PGS1: variants seen among roughly 807,000 people sequenced by gnomAD.
PGS1 encodes CDP-diacylglycerol--glycerol-3-phosphate 3-phosphatidyltransferase, mitochondrial.
Under a neutral mutation model 58.3 loss-of-function variants are expected in PGS1, and 44 were observed. The ratio of observed to expected loss-of-function variants is 0.75; its 90% CI spans 0.59 to 0.97. The LOEUF is 0.97. PGS1 is among the 50% of genes least tolerant of loss of function. The pLI, the probability that PGS1 is intolerant of heterozygous loss-of-function variation, is 0.00. For missense variants in PGS1, 684 were observed against 731.1 expected (o/e 0.94, Z 0.74); for synonymous variants, 330 against 311.0 (o/e 1.06, Z -0.64).
intron 7 of PGS1, among the ~76,000 whole-genome samples, chr17:78,413,657 A>T (rs1197998430): frequency 6.6e-6 from 1 of 152,182 alleles, no homozygotes; most frequent in Non-Finnish European, 1.5e-5. Flanking sequence ...GCACGGAGAG[A>T]AGTCTTGAGC....
At chr17:78,417,116 C>T (rs991210440) in intron 8 of PGS1, among the ~76,000 whole-genome samples, 2 of 152,206 alleles carry the variant, frequency 1.3e-5, no homozygotes, top group Non-Finnish European at 2.9e-5. Context: ...CACAGTTTAC[C>T]ACTTGTGACC....
chr17:78,397,594 C>A (rs1285350390), intron 3 of PGS1, among the ~76,000 whole-genome samples: 1 of 151,784 alleles, frequency 6.6e-6, no homozygotes, highest in East Asian at 1.9e-4. Context: ...GCGCCACCCC[C>A]CCAGCTAATT....
chr17:78,400,072 C>CA lies in PGS1; in HGVS notation c.701+538dup, dbSNP rs2083534544. The CA allele has an allele frequency of 5.0e-6, 1 of 198,212 alleles. No individual in the cohort carries two copies. Among genetic ancestry groups the CA allele is most frequent in the Non-Finnish European group, 1.0e-5 (1 of 95,900 alleles). The allele number at this position is 198,212 out of a possible 1,614,324, so 12.3% of individuals were successfully genotyped here. On this transcript the variant is annotated intron_variant, in intron 5 of 9. Coordinates refer to ENST00000262764, the MANE Select transcript of PGS1 (RefSeq NM_024419.5). This position sits in a 1 kb window ranked among gnomAD's most constrained non-coding sequence, Gnocchi z 4.4. ...CACTTAGTGGGACAGAGAGAACAAACAAACATGGGCGCTGATAAATAGCCC... is the reference window on the plus strand; with the variant it reads ...CACTTAGTGGGACAGAGAGAACAAACAAAACATGGGCGCTGATAAATAGCCC...
chr17:78,394,814 C>A (rs2083107640), intron 2 of PGS1, among the ~76,000 whole-genome samples: 1 of 152,200 alleles, frequency 6.6e-6, no homozygotes, highest in Non-Finnish European at 1.5e-5. Context: ...CTCGGCCTCC[C>A]AAAGTGCTGG....
intron 2 of PGS1, among the ~76,000 whole-genome samples, chr17:78,394,427 C>G (rs185739664): frequency 6.6e-6 from 1 of 152,216 alleles, no homozygotes; most frequent in East Asian, 1.9e-4. Flanking sequence ...TCCTTTTGTT[C>G]TCCCCTCTCA....
chr17:78,389,940 C>T (rs968475339), intron 1 of PGS1, among the ~76,000 whole-genome samples: 36 of 152,134 alleles, frequency 2.4e-4, no homozygotes, highest in Non-Finnish European at 7.4e-5. Context: ...CTTTGAAGGC[C>T]GCGTGTGGAC....
chr17:78,387,543 C>A (rs1483062073), intron 1 of PGS1, among the ~76,000 whole-genome samples: 1 of 150,960 alleles, frequency 6.6e-6, no homozygotes, highest in African/African-American at 2.4e-5. Flanking sequence ...AGGTGATATG[C>A]CCGCCTTGGC....
intron 7 of PGS1, among the ~76,000 whole-genome samples, chr17:78,408,116 A>G (rs1309318955): frequency 2.0e-5 from 3 of 149,918 alleles, no homozygotes; most frequent in Non-Finnish European, 4.5e-5. Flanking sequence ...CAATCAGTCA[A>G]TCAGTCTATC....
chr17:78,378,711 C>T lies in PGS1; in HGVS notation c.46C>T (p.Arg16Ter). 1 of 1,520,740 alleles carries T rather than the reference C, an allele frequency of 6.6e-7. No homozygotes were observed. 94.2% of individuals were successfully genotyped at this position (1,520,740 alleles called of 1,614,324 possible). The change falls in exon 1 of 10, where the codon CGA becomes TGA. Residue 16 changes from arginine to a stop codon, truncating the protein, a stop_gained. Transcript: ENST00000262764. LOFTEE classifies it high-confidence loss of function. The part of the protein sequence containing the change: ...AAAAGPVFWR[R>*]LLGLLPGRPG... ...TGCGGCGGGACCCGTGTTCTGGAGGCGACTGCTGGGCCTCCTGCCTGGCCG... is the reference window on the plus strand; with the variant it reads ...TGCGGCGGGACCCGTGTTCTGGAGGTGACTGCTGGGCCTCCTGCCTGGCCG...
In PGS1 at chr17:78,424,091, C is replaced by G; in HGVS notation, c.*41C>G. 6.2e-7 allele frequency: 1 copy of G among 1,613,932 alleles called. No individual in the cohort carries two copies. Among genetic ancestry groups the G allele is most frequent in the Non-Finnish European group, 8.5e-7 (1 of 1,179,878 alleles). ...GCCTTGATGAAGATGACAGGCATGG[C>G]CGGGGTCAGCTCTTTCAGCCGCGCT... On this transcript the variant is annotated 3_prime_UTR_variant, in exon 10 of 10. Transcript: ENST00000262764.
At chr17:78,390,492 C>A (rs1345436277) in intron 1 of PGS1, among the ~76,000 whole-genome samples, 2 of 152,172 alleles carry the variant, frequency 1.3e-5, no homozygotes, top group African/African-American at 2.4e-5. Context: ...TGTGGGCCAT[C>A]TGTTGTCTGT....
intron 1 of PGS1, among the ~76,000 whole-genome samples, chr17:78,391,852 T>C (rs1361462749): frequency 1.3e-5 from 2 of 152,064 alleles, no homozygotes; most frequent in Admixed American, 1.3e-4. Flanking sequence ...CTGAGCTCCT[T>C]GACTCAAGCA....
chr17:78,382,522 G>A lies in PGS1; in HGVS notation c.143+3714G>A, dbSNP rs184986628. ...TTGGGTTATGTTAATCAGTATCCAG[G>A]TTCCTCTAGGTGATGTGTTCAGTGT... On this transcript the variant is annotated intron_variant, in intron 1 of 9. Coordinates refer to ENST00000262764, the MANE Select transcript of PGS1 (RefSeq NM_024419.5). 443 of 152,092 alleles carry A rather than the reference G, an allele frequency of 2.9e-3. 6 individuals carry two copies. Among genetic ancestry groups the A allele is most frequent in the South Asian group, 0.021 (101 of 4,828 alleles). The allele number at this position is 152,092 out of a possible 1,614,324, so 9.4% of individuals were successfully genotyped here. A position where few individuals can be genotyped will look rare whatever the true frequency, so the allele number is the denominator to read the frequency against.
In PGS1 at chr17:78,423,966, C is replaced by A. The variant is rs1164313206; in HGVS notation, c.*11-95C>A. The A allele has an allele frequency of 5.6e-6, 9 of 1,613,904 alleles. No homozygotes were observed. Among genetic ancestry groups the A allele is most frequent in the African/African-American group, 1.3e-5 (1 of 74,928 alleles). ...TCCACTTCGCTGCCTTCTCTTTGGTCTTCAAGTTAAAGGTCCAGACATAGG... is the reference window on the plus strand; with the variant it reads ...TCCACTTCGCTGCCTTCTCTTTGGTATTCAAGTTAAAGGTCCAGACATAGG... On this transcript the variant is annotated intron_variant, in intron 9 of 9. Transcript: ENST00000262764.
rs201011877 is a variant in PGS1, at chr17:78,399,427, G to A, written c.591G>A (p.Thr197=). The change falls in exon 5 of 10, where the codon ACG becomes ACA. Residue 197 remains threonine (T), a synonymous_variant. Transcript: ENST00000262764. ...AGGTCCGAGTCTCCCTCTTTCACAC[G>A]CCGCACCTCCGTGGGCTGCTTCGGC... ...PEQVRVSLFH[T]PHLRGLLRLL... 12 of 1,614,060 alleles carry A rather than the reference G, an allele frequency of 7.4e-6. No individual in the cohort carries two copies. Among genetic ancestry groups the A allele is most frequent in the Admixed American group, 1.7e-5 (1 of 60,024 alleles).
chr17:78,414,233 T>G (rs1018574848), intron 7 of PGS1, among the ~76,000 whole-genome samples: 1 of 152,186 alleles, frequency 6.6e-6, no homozygotes, highest in African/African-American at 2.4e-5. Flanking sequence ...ACCCAGGACC[T>G]GTAAGGCAGC....
At chr17:78,408,601 TGG>T (rs1323182764) in intron 7 of PGS1, among the ~76,000 whole-genome samples, 1 of 151,892 alleles carries the variant, frequency 6.6e-6, no homozygotes, top group South Asian at 2.1e-4. Flanking sequence ...GGGAGTGGGG[TGG>T]GGGCCTTGGA....
rs148715978 is a variant in PGS1, at chr17:78,405,349, C to T, written c.1402+1260C>T. 8.8e-3 allele frequency among the ~76,000 whole-genome samples: 1,338 copies of T among 152,282 alleles called. 8 individuals carry two copies. The highest frequency in any genetic ancestry group is 0.041 in the Middle Eastern group (12 of 294). On this transcript the variant is annotated intron_variant, in intron 7 of 9. Coordinates refer to ENST00000262764, the MANE Select transcript of PGS1 (RefSeq NM_024419.5). ...ATTCATTAGGGATCATTTGTTTTGG[C>T]ATCAGCAGCCCAGTTTTCTTGTCTT...
At chr17:78,389,941 G>A (rs974514578) in intron 1 of PGS1, among the ~76,000 whole-genome samples, 7 of 152,180 alleles carry the variant, frequency 4.6e-5, no homozygotes, top group Non-Finnish European at 5.9e-5. Flanking sequence ...TTTGAAGGCC[G>A]CGTGTGGACT....
Sources: allele counts gnomAD v4.1 joint callset (sites outside exome capture counted in the v4.1 genomes callset), GRCh38; gene constraint gnomAD v4.1.1; non-coding constraint Gnocchi (gnomAD v3.1); transcripts MANE v1.5; gene names NCBI Gene and HGNC (gene_info 2026-07-23, HGNC 2026-07-21).